Variants in RABGAP1 observed in about 807,000 individuals in gnomAD.
RABGAP1 encodes RAB GTPase activating protein 1, also known as rab GTPase-activating protein 1.
Under a neutral mutation model 137.6 loss-of-function variants are expected in RABGAP1, and 23 were observed. The ratio of observed to expected loss-of-function variants is 0.17; its 90% CI spans 0.12 to 0.24. RABGAP1 has a LOEUF of 0.24. Ranked by LOEUF, RABGAP1 falls within the 10% of genes least tolerant of loss-of-function variation. RABGAP1 has a pLI of 1.00. For synonymous variants in RABGAP1, 451 were observed against 450.7 expected (o/e 1.00, Z -0.01); for missense variants, 906 against 1,275.8 (o/e 0.71, Z 4.42).
chr9:123,062,838 G>T, intron 13 of RABGAP1: 1 of 152,026 alleles, frequency 6.6e-6, no homozygotes, highest in East Asian at 1.9e-4. Context: ...GCCCAGGCTG[G>T]AGTGCAGTGC....
At chr9:122,952,963 A>G (rs1028360553) in intron 1 of RABGAP1, among the ~76,000 whole-genome samples, 9 of 152,254 alleles carry the variant, frequency 5.9e-5, no homozygotes, top group African/African-American at 2.2e-4. Flanking sequence ...ACAAATGTGT[A>G]CATTTTATTC....
intron 4 of RABGAP1, among the ~76,000 whole-genome samples, chr9:122,986,918 A>C (rs1324021697): frequency 6.6e-6 from 1 of 152,076 alleles, no homozygotes; most frequent in Admixed American, 6.6e-5. Flanking sequence ...ACTTAAGTTC[A>C]GGGGTTCGAG....
chr9:122,968,158 G>A (rs1835273348), intron 2 of RABGAP1, among the ~76,000 whole-genome samples: 1 of 150,836 alleles, frequency 6.6e-6, no homozygotes, highest in South Asian at 2.1e-4. Flanking sequence ...TTACATCAGT[G>A]TAAATAGGGT....
intron 2 of RABGAP1, among the ~76,000 whole-genome samples, chr9:122,961,050 G>T (rs1043434887): frequency 6.6e-6 from 1 of 152,076 alleles, no homozygotes; most frequent in African/African-American, 2.4e-5. Context: ...GTACCAACAT[G>T]CTTGTAATAG....
chr9:123,069,739 G>T (rs2034293049), intron 14 of RABGAP1, among the ~76,000 whole-genome samples: 1 of 151,984 alleles, frequency 6.6e-6, no homozygotes, highest in South Asian at 2.1e-4. Flanking sequence ...TAAAAATTAG[G>T]CAGGCATGGT....
At chr9:123,066,312 T>C (rs1201944486) in intron 14 of RABGAP1, among the ~76,000 whole-genome samples, 6 of 152,226 alleles carry the variant, frequency 3.9e-5, no homozygotes, top group Admixed American at 2.0e-4. Context: ...GTGGTAATCT[T>C]TCTTTCTGAT....
intron 13 of RABGAP1, chr9:123,034,284 C>T: frequency 2.2e-6 from 1 of 456,170 alleles, no homozygotes; most frequent in Non-Finnish European, 3.8e-6. Context: ...CCAGAGTTTA[C>T]CTTGCTCCCC....
Position 123,073,808 on chromosome 9 carries a change from A to G in RABGAP1, c.2109+131A>G, listed in dbSNP as rs190147647. ...GTGGCTAAGGATGGGTTTCATTTTT[A>G]TCCTTTATCACTATGTGATTATGAT... On this transcript the variant is annotated intron_variant, in intron 16 of 25. Transcript: ENST00000373647. 972 of 1,224,274 alleles carry G rather than the reference A, an allele frequency of 7.9e-4. 2 individuals are homozygous for G. The highest frequency in any genetic ancestry group is 7.8e-4 in the Non-Finnish European group (674 of 867,052). 75.8% of individuals were successfully genotyped at this position (1,224,274 alleles called of 1,614,324 possible).
Position 123,089,165 on chromosome 9 carries a change from CTGTT to C in RABGAP1, c.2425-590_2425-587del, listed in dbSNP as rs1040750359. 1.4e-4 allele frequency among the ~76,000 whole-genome samples: 22 copies of C among 152,146 alleles called. No individual in the cohort carries two copies. The South Asian group carries it at 3.6e-3, about 25-fold the overall frequency. On this transcript the variant is annotated intron_variant, in intron 19 of 25. Coordinates refer to ENST00000373647, the MANE Select transcript of RABGAP1 (RefSeq NM_012197.4). ...TGTTTTTAAGGGTAGAGATAACTGT[CTGTT>C]TGAAAGCAGCACAGAAGAAGGTAGG...
In RABGAP1 at chr9:123,007,723, A is replaced by T. The variant is rs116050133; in HGVS notation, c.1375-2631A>T. 5.0e-3 allele frequency among the ~76,000 whole-genome samples: 762 copies of T among 150,986 alleles called. 4 individuals carry two copies. Among genetic ancestry groups the T allele is most frequent in the African/African-American group, 0.018 (724 of 41,330 alleles). On this transcript the variant is annotated intron_variant, in intron 10 of 25. Coordinates refer to ENST00000373647, the MANE Select transcript of RABGAP1 (RefSeq NM_012197.4). The stretch of plus-strand genomic sequence containing the variant: ...GAGCCATCATGCCTGGCCACTGCTG[A>T]TGTTTTTATTGGGGAAAATTGACAT...
rs926563742 is a variant in RABGAP1 at position 123,031,705 on chromosome 9, G to A, written c.1794+11246G>A. Among the ~76,000 whole-genome samples the A allele has an allele frequency of 2.0e-5, 3 of 152,164 alleles. No individual in the cohort carries two copies. The South Asian group carries it at 6.2e-4, about 32-fold the overall frequency. ...GTGATTGATTCCTAAGTTTCATACC[G>A]GAGTGCCTGGGAAAATGTTGGAAAA... On this transcript the variant is annotated intron_variant, in intron 13 of 25. Coordinates refer to ENST00000373647, the MANE Select transcript of RABGAP1 (RefSeq NM_012197.4).
rs34147826 is a variant in RABGAP1, at chr9:122,985,611, CAAAAAAAA to C, written c.386-590_386-583del. ...CTGGCGACAGAGCGAGACTCCGTCTCAAAAAAAAAAAAAAAAAAAAAGATGACAGTCAG... is the reference window on the plus strand; with the variant it reads ...CTGGCGACAGAGCGAGACTCCGTCTCAAAAAAAAAAAAAGATGACAGTCAG... On this transcript the variant is annotated intron_variant, in intron 3 of 25. Transcript: ENST00000373647. Among the ~76,000 whole-genome samples the C allele has an allele frequency of 5.5e-5, 5 of 91,120 alleles. No individual in the cohort carries two copies. In the East Asian group the frequency reaches 1.7e-3, roughly 32 times the overall value. The allele number at this position is 91,120 out of a possible 152,430, so 59.8% of individuals were successfully genotyped here.
chr9:123,031,485 A>C (rs1220676385), intron 13 of RABGAP1, among the ~76,000 whole-genome samples: 1 of 152,210 alleles, frequency 6.6e-6, no homozygotes, highest in Non-Finnish European at 1.5e-5. Context: ...TAAAATGTAC[A>C]TTTTGGATAT....
chr9:123,048,526 T>C (rs2033320903), intron 13 of RABGAP1, among the ~76,000 whole-genome samples: 1 of 152,194 alleles, frequency 6.6e-6, no homozygotes, highest in Non-Finnish European at 1.5e-5. Flanking sequence ...TTTAAACAAA[T>C]AGTACAAGTC....
chr9:123,051,958 ATTTTTT>A (rs58591585), intron 13 of RABGAP1, among the ~76,000 whole-genome samples: 7 of 130,678 alleles, frequency 5.4e-5, no homozygotes, highest in African/African-American at 1.7e-4. Flanking sequence ...CGCCCGGCTA[ATTTTTT>A]TTTTTTTTTT....
chr9:123,087,475 T>C (rs1426945013), intron 19 of RABGAP1, among the ~76,000 whole-genome samples: 1 of 152,226 alleles, frequency 6.6e-6, no homozygotes, highest in African/African-American at 2.4e-5. Flanking sequence ...CCACTACTAT[T>C]GATCTGTTAG....
intron 2 of RABGAP1, among the ~76,000 whole-genome samples, chr9:122,962,137 G>C (rs988862836): frequency 1.3e-5 from 2 of 151,900 alleles, no homozygotes; most frequent in Admixed American, 1.3e-4. Context: ...AGCTATGTTT[G>C]AATAATGTTT....
intron 10 of RABGAP1, among the ~76,000 whole-genome samples, chr9:123,006,670 C>G (rs763684951): frequency 6.6e-6 from 1 of 152,096 alleles, no homozygotes; most frequent in Admixed American, 6.5e-5. Flanking sequence ...TGCAATGGTG[C>G]GATCTTGGCT....
At chr9:123,047,075 TAGG>T (rs1436391163) in intron 13 of RABGAP1, among the ~76,000 whole-genome samples, 1 of 152,072 alleles carries the variant, frequency 6.6e-6, no homozygotes, top group Non-Finnish European at 1.5e-5. Context: ...GCTTAGAAAA[TAGG>T]AGTTTTCAGC....
Sources: allele counts gnomAD v4.1 joint callset (sites outside exome capture counted in the v4.1 genomes callset), GRCh38; gene constraint gnomAD v4.1.1; transcripts MANE v1.5; gene names NCBI Gene and HGNC (gene_info 2026-07-23, HGNC 2026-07-21).